The following C10orf143 variants were observed in gnomAD, a reference collection of about 807,000 sequenced individuals.
C10orf143 encodes the protein chromosome 10 open reading frame 143, also known as uncharacterized protein C10orf143.
At chr10:130,077,198 T>C (rs1212760360) in intron 3 of C10orf143, among the ~76,000 whole-genome samples, 1 of 151,476 alleles carries the variant, frequency 6.6e-6, no homozygotes, top group Non-Finnish European at 1.5e-5. Context: ...ACTTGGAAAA[T>C]GAGGTTGAAG....
At chr10:130,050,280 A>G (rs879872486) in intron 3 of C10orf143, among the ~76,000 whole-genome samples, 4 of 152,276 alleles carry the variant, frequency 2.6e-5, no homozygotes, top group Non-Finnish European at 5.9e-5. Context: ...CTCATTAAGA[A>G]TAGGTTCAGC....
chr10:130,107,511 CAG>C lies in C10orf143; in HGVS notation c.69+3191_69+3192del, dbSNP rs778765879. ...CACAACAGACAAAAATTAGCTGAAA[CAG>C]AGTATAAAATAAAACTTCTAAAAAA... On this transcript the variant is annotated intron_variant, in intron 1 of 3. Coordinates refer to ENST00000637128, the MANE Select transcript of C10orf143 (RefSeq NM_001355042.2). The C allele has an allele frequency of 4.8e-5, 66 of 1,364,184 alleles. No individual in the cohort carries two copies. The East Asian group carries it at 1.1e-3, about 23-fold the overall frequency. The allele number at this position is 1,364,184 out of a possible 1,614,324, so 84.5% of individuals were successfully genotyped here.
chr10:130,057,707 G>T, intron 3 of C10orf143, among the ~76,000 whole-genome samples: 1 of 152,226 alleles, frequency 6.6e-6, no homozygotes, highest in East Asian at 1.9e-4. Context: ...TGCCACTGTG[G>T]CCCTGGGCAC....
At position 130,107,780 on chromosome 10, in the gene C10orf143, A is replaced by G. The variant is rs772816944; in HGVS notation, c.69+2924T>C. On this transcript the variant is annotated intron_variant, in intron 1 of 3. Transcript: ENST00000637128. Reference sequence around the variant, plus strand: ...GGAAAGAGGAGAATCAAGCTGTGAAAGGTTAACCGATCCTCACAGGTCTCC... The same window carrying G: ...GGAAAGAGGAGAATCAAGCTGTGAAGGGTTAACCGATCCTCACAGGTCTCC... 6 of 1,239,206 alleles carry G rather than the reference A, an allele frequency of 4.8e-6. No individual in the cohort carries two copies. The East Asian group carries it at 7.0e-5, about 15-fold the overall frequency. 76.8% of individuals were successfully genotyped at this position (1,239,206 alleles called of 1,614,324 possible).
chr10:130,096,681 C>T (rs991263209), intron 1 of C10orf143, among the ~76,000 whole-genome samples: 9 of 148,884 alleles, frequency 6.0e-5, no homozygotes, highest in Admixed American at 5.5e-4. Flanking sequence ...CATCACACAC[C>T]CACACACTGG....
At chr10:130,069,371 AT>A (rs1393388786) in intron 3 of C10orf143, among the ~76,000 whole-genome samples, 1 of 152,238 alleles carries the variant, frequency 6.6e-6, no homozygotes, top group Admixed American at 6.5e-5. Flanking sequence ...AAATTAAGAC[AT>A]CCCCAGATAA....
chr10:130,036,496 G>T (rs1860546607), intron 3 of C10orf143, among the ~76,000 whole-genome samples: 1 of 152,190 alleles, frequency 6.6e-6, no homozygotes, highest in African/African-American at 2.4e-5. Context: ...CCAGAAGCAG[G>T]CAGCTCCCTC....
intron 3 of C10orf143, among the ~76,000 whole-genome samples, chr10:130,076,970 C>T (rs546148325): frequency 6.6e-6 from 1 of 152,222 alleles, no homozygotes; most frequent in South Asian, 2.1e-4. Context: ...CCTGATGCTG[C>T]AAGACTGGGT....
chr10:130,106,512 A>T, intron 1 of C10orf143: 1 of 1,600,802 alleles, frequency 6.2e-7, no homozygotes, highest in Non-Finnish European at 8.5e-7. Flanking sequence ...AAAGAAGAGA[A>T]ATCTAAACAT....
At chr10:130,093,538 G>A (rs1330498476) in intron 1 of C10orf143, among the ~76,000 whole-genome samples, 1 of 152,074 alleles carries the variant, frequency 6.6e-6, no homozygotes, top group African/African-American at 2.4e-5. Context: ...TCAGAAGCTA[G>A]CAGAAGACAA....
At chr10:130,039,397 T>C (rs1860581661) in intron 3 of C10orf143, among the ~76,000 whole-genome samples, 1 of 152,048 alleles carries the variant, frequency 6.6e-6, no homozygotes, top group African/African-American at 2.4e-5. Context: ...AGTGTGAGTC[T>C]GAAGACTGGA....
chr10:130,091,469 C>A (rs1055429940), intron 1 of C10orf143, among the ~76,000 whole-genome samples: 6 of 152,196 alleles, frequency 3.9e-5, no homozygotes, highest in Admixed American at 3.9e-4. Flanking sequence ...AAAACCAGCA[C>A]AAAAAGGCTG....
chr10:130,065,684 C>A lies in C10orf143; in HGVS notation c.298-1301G>T, dbSNP rs2244273. 0.65 allele frequency: 98,958 copies of A among 152,106 alleles called. 32,452 individuals are homozygous for A. Among genetic ancestry groups the A allele is most frequent in the Admixed American group, 0.73 (11,148 of 15,292 alleles). The allele number at this position is 152,106 out of a possible 1,614,324, so 9.4% of individuals were successfully genotyped here. Reference sequence around the variant, plus strand: ...CTTTACAAAAGGACATTTTGGAAACCAGTTTCTTCATGCAATTCTCGAGGT... The same window carrying A: ...CTTTACAAAAGGACATTTTGGAAACAAGTTTCTTCATGCAATTCTCGAGGT... On this transcript the variant is annotated intron_variant, in intron 3 of 3. Coordinates refer to ENST00000637128, the MANE Select transcript of C10orf143 (RefSeq NM_001355042.2). This position sits in a 1 kb window ranked among gnomAD's most constrained non-coding sequence, Gnocchi z 4.2.
At chr10:130,050,854 C>G (rs533690857) in intron 3 of C10orf143, among the ~76,000 whole-genome samples, 1 of 152,216 alleles carries the variant, frequency 6.6e-6, no homozygotes, top group Admixed American at 6.5e-5. Flanking sequence ...TGCTGGAGCA[C>G]TGACCTCAGC....
intron 1 of C10orf143, among the ~76,000 whole-genome samples, chr10:130,091,639 T>C (rs1276332642): frequency 6.6e-6 from 1 of 152,204 alleles, no homozygotes; most frequent in African/African-American, 2.4e-5. Flanking sequence ...GAGCATGTTT[T>C]AACCCAATGT....
intron 1 of C10orf143, among the ~76,000 whole-genome samples, chr10:130,105,533 C>A (rs1398540746): frequency 6.6e-6 from 1 of 152,062 alleles, no homozygotes; most frequent in Non-Finnish European, 1.5e-5. Flanking sequence ...GAGTTCGAGA[C>A]CAGTCTGGCC....
downstream of C10orf143, among the ~76,000 whole-genome samples, chr10:130,062,210 C>T (rs1005270397): frequency 1.3e-5 from 2 of 152,172 alleles, no homozygotes; most frequent in Admixed American, 6.5e-5. Context: ...CCATTCCCTT[C>T]ACAGTCTGGA....
At chr10:130,107,833 G>A (rs754077534) in intron 1 of C10orf143, 106 of 1,248,854 alleles carry the variant, frequency 8.5e-5, no homozygotes, top group Middle Eastern at 1.9e-4. Flanking sequence ...TGTCACTTCC[G>A]AGGGAACAGG....
At chr10:130,040,690 G>A (rs989053953) in intron 3 of C10orf143, among the ~76,000 whole-genome samples, 20 of 152,162 alleles carry the variant, frequency 1.3e-4, no homozygotes, top group Non-Finnish European at 1.9e-4. Context: ...AAAATTACCC[G>A]GGCTTGGTGG....
Sources: gnomAD v4.1 joint callset for allele counts (sites outside exome capture counted in the v4.1 genomes callset) on GRCh38, gnomAD v4.1.1 for gene constraint, Gnocchi (gnomAD v3.1) non-coding constraint, MANE v1.5 for transcripts, NCBI Gene and HGNC (gene_info 2026-07-23, HGNC 2026-07-21) for gene names.